Variants in KLHL4 observed in about 807,000 individuals in gnomAD.
The protein encoded by KLHL4 is kelch like family member 4, also known as kelch-like protein 4.
Under a neutral mutation model 45.8 loss-of-function variants are expected in KLHL4, and 17 were observed. That is an observed-to-expected ratio of 0.37 (90% CI 0.25 to 0.56). The LOEUF (loss-of-function observed/expected upper bound fraction) is 0.56. Ranked by LOEUF, KLHL4 falls within the 20% of genes least tolerant of loss-of-function variation. KLHL4 has a pLI of 0.79. For synonymous variants in KLHL4, 224 were observed against 189.9 expected, an observed-to-expected ratio of 1.18 and a Z score of -1.47; for missense variants, 544 against 544.9, an observed-to-expected ratio of 1.00 and a Z score of 0.02.
intron 1 of KLHL4, among the ~76,000 whole-genome samples, chrX:87,542,159 A>G (rs969284802): frequency 8.9e-6 from 1 of 112,253 alleles, no homozygotes; most frequent in East Asian, 2.8e-4. Context: ...TGTGTTCACA[A>G]AGAGATGATT....
intron 1 of KLHL4, among the ~76,000 whole-genome samples, chrX:87,588,933 T>C (rs1157904622): frequency 9.0e-6 from 1 of 111,384 alleles, no homozygotes; most frequent in Non-Finnish European, 1.9e-5. Flanking sequence ...TGGGAGAGAA[T>C]ATTTGCAAAC....
intron 1 of KLHL4, among the ~76,000 whole-genome samples, chrX:87,572,299 AC>A (rs1241814224): frequency 1.4e-5 from 1 of 72,446 alleles, no homozygotes; most frequent in East Asian, 8.4e-4. Context: ...CAAATTGTCT[AC>A]CCTTTCTTCC....
At chrX:87,534,238 A>G (rs1383208982) in intron 1 of KLHL4, among the ~76,000 whole-genome samples, 1 of 111,219 alleles carries the variant, frequency 9.0e-6, no homozygotes, top group Non-Finnish European at 1.9e-5. Flanking sequence ...ACTATGCCCA[A>G]TAATTATGTA....
chrX:87,564,111 G>T (rs1156777758), intron 1 of KLHL4, among the ~76,000 whole-genome samples: 1 of 111,084 alleles, frequency 9.0e-6, no homozygotes, highest in African/African-American at 3.3e-5. Flanking sequence ...GGGTACAAAA[G>T]TCACTGGTAA....
chrX:87,642,668 G>A (rs1455323708), intron 9 of KLHL4, among the ~76,000 whole-genome samples: 2 of 112,160 alleles, frequency 1.8e-5, no homozygotes, highest in Non-Finnish European at 3.8e-5. Flanking sequence ...GAAGTGAAGG[G>A]AGAAATGTTC....
chrX:87,608,509 T>C (rs1292403067), intron 1 of KLHL4, among the ~76,000 whole-genome samples: 1 of 110,760 alleles, frequency 9.0e-6, no homozygotes, highest in Non-Finnish European at 1.9e-5. Context: ...TTTACTAGGA[T>C]TTTATTAGTC....
chrX:87,641,735 G>T (rs1416084536), intron 9 of KLHL4, among the ~76,000 whole-genome samples: 1 of 110,984 alleles, frequency 9.0e-6, no homozygotes, highest in African/African-American at 3.3e-5. Flanking sequence ...TCTTTGGTTT[G>T]CACGGGAGCT....
rs770396414 is a variant in KLHL4 at position 87,588,828 on chromosome X, AGAGGAAGAG to A, written c.423-25028_423-25020del. Among the ~76,000 whole-genome samples the A allele has an allele frequency of 3.4e-4, 37 of 110,438 alleles. No individual in the cohort carries two copies. In the South Asian group the frequency reaches 4.6e-3, roughly 14 times the overall value. On this transcript the variant is annotated intron_variant, in intron 1 of 10. Transcript: ENST00000373119. The stretch of plus-strand genomic sequence containing the variant: ...GAGAAGGAGAAGGAGAGGAAGAGGA[AGAGGAAGAG>A]GAGGAAGAGGAGGAAGAGGAAGAGG...
chrX:87,584,336 G>A (rs760218749), intron 1 of KLHL4, among the ~76,000 whole-genome samples: 26 of 111,843 alleles, frequency 2.3e-4, no homozygotes, highest in African/African-American at 8.1e-4. Context: ...CATCATCCAC[G>A]GAAACATGAC....
intron 9 of KLHL4, among the ~76,000 whole-genome samples, chrX:87,642,204 C>G (rs1923484879): frequency 9.0e-6 from 1 of 111,115 alleles, no homozygotes; most frequent in African/African-American, 3.3e-5. Flanking sequence ...ATAGATGGTT[C>G]ACATCCCAGG....
intron 1 of KLHL4, among the ~76,000 whole-genome samples, chrX:87,597,813 CAATAAATAT>C (rs753260889): frequency 6.3e-5 from 7 of 110,933 alleles, no homozygotes; most frequent in Non-Finnish European, 1.3e-4. Context: ...AGTGAGTCTT[CAATAAATAT>C]TTGCTAAATT....
At chrX:87,569,548 TC>T (rs1474714426) in intron 1 of KLHL4, among the ~76,000 whole-genome samples, 1 of 111,323 alleles carries the variant, frequency 9.0e-6, no homozygotes, top group African/African-American at 3.3e-5. Flanking sequence ...TTCACAATAG[TC>T]AAAAGGTGGA....
chrX:87,658,606 C>G (rs901067226), intron 9 of KLHL4, among the ~76,000 whole-genome samples: 3 of 111,384 alleles, frequency 2.7e-5, no homozygotes, highest in African/African-American at 9.8e-5. Flanking sequence ...GCACTGGGGA[C>G]TCACTCTCAA....
At chrX:87,525,820 C>A (rs1445000976) in intron 1 of KLHL4, among the ~76,000 whole-genome samples, 2 of 111,530 alleles carry the variant, frequency 1.8e-5, no homozygotes, top group Non-Finnish European at 3.8e-5. Context: ...GCAGTGAATT[C>A]ATAGTTCTTT....
rs919283244 is a variant in KLHL4, at chrX:87,668,802, C to A, written c.*2268C>A. On this transcript the variant is annotated 3_prime_UTR_variant, in exon 11 of 11. Transcript: ENST00000373119. ...TTGGGACTTACCTGACAGCTCTTAC[C>A]AACAAGAAGGCCATCCCAGATATGG... 4.1e-6 allele frequency: 1 copy of A among 245,937 alleles called. No individual in the cohort carries two copies. Among genetic ancestry groups the A allele is most frequent in the Non-Finnish European group, 5.7e-6 (1 of 174,845 alleles). The allele number at this position is 245,937 out of a possible 1,213,427, so 20.3% of individuals were successfully genotyped here.
In KLHL4 at chrX:87,586,951, T is replaced by C. The variant is rs191821092; in HGVS notation, c.423-26926T>C. Reference sequence around the variant, plus strand: ...AATGAAAAGGAGACATTAAAACTGATACTGCAGAATTTAAAGGATCAATAG... The same window carrying C: ...AATGAAAAGGAGACATTAAAACTGACACTGCAGAATTTAAAGGATCAATAG... On this transcript the variant is annotated intron_variant, in intron 1 of 10. Transcript: ENST00000373119. Among the ~76,000 whole-genome samples, 386 of 109,194 alleles carry C rather than the reference T, an allele frequency of 3.5e-3. 6 individuals carry two copies. The South Asian group carries it at 0.051, about 14-fold the overall frequency. The allele number at this position is 109,194 out of a possible 115,157, so 94.8% of individuals were successfully genotyped here.
In KLHL4 at chrX:87,518,319, A is replaced by G. The variant is rs758407325; in HGVS notation, c.422+4A>G. On this transcript the variant is annotated splice_donor_region_variant and intron_variant, in intron 1 of 10. Transcript: ENST00000373119. ...ATATAGAAGATTCTACAGCAAGGTA[A>G]GAGTTTTTGGTCGCATAACTGAATG... The G allele has an allele frequency of 3.3e-6, 4 of 1,195,040 alleles. No homozygotes were observed. The highest frequency in any genetic ancestry group is 4.5e-6 in the Non-Finnish European group (4 of 886,039).
chrX:87,649,461 T>A (rs1923738981), intron 9 of KLHL4, among the ~76,000 whole-genome samples: 1 of 111,649 alleles, frequency 9.0e-6, no homozygotes, highest in African/African-American at 3.2e-5. Flanking sequence ...TCTCTCCTGT[T>A]TCATAGATTT....
chrX:87,540,811 A>G (rs1168080081), intron 1 of KLHL4, among the ~76,000 whole-genome samples: 2 of 112,196 alleles, frequency 1.8e-5, no homozygotes, highest in Non-Finnish European at 3.8e-5. Flanking sequence ...TATTATCATT[A>G]TCAAATATTA....
Sources: gnomAD v4.1 joint callset for allele counts (sites outside exome capture counted in the v4.1 genomes callset) on GRCh38, gnomAD v4.1.1 for gene constraint, MANE v1.5 for transcripts, NCBI Gene and HGNC (gene_info 2026-07-23, HGNC 2026-07-21) for gene names.